Variants in RCL1 observed in about 807,000 individuals in gnomAD.
The protein encoded by RCL1 is RNA terminal phosphate cyclase like 1.
RCL1 carries 24 observed loss-of-function variants against 42.4 expected under a neutral mutation model. The ratio of observed to expected loss-of-function variants is 0.57; its 90% CI spans 0.41 to 0.80. The LOEUF is 0.80. Among genes scored for constraint, RCL1 ranks in the 30% least tolerant of loss-of-function variants. The pLI, the probability that RCL1 is intolerant of heterozygous loss-of-function variation, is 0.00. For synonymous variants in RCL1, 228 were observed against 177.3 expected (o/e 1.29, Z -2.27); for missense variants, 578 against 467.9 (o/e 1.24, Z -2.17).
intron 1 of RCL1, among the ~76,000 whole-genome samples, chr9:4,797,964 A>C (rs1321120773): frequency 6.8e-6 from 1 of 148,112 alleles, no homozygotes; most frequent in African/African-American, 2.7e-5. Flanking sequence ...TGAACAATTA[A>C]GTTTATCTCA....
At chr9:4,824,289 A>G (rs1816686986) in intron 2 of RCL1, among the ~76,000 whole-genome samples, 1 of 151,810 alleles carries the variant, frequency 6.6e-6, no homozygotes, top group Non-Finnish European at 1.5e-5. Context: ...AGGGGTAGCC[A>G]CTGTCACAGC....
At chr9:4,848,984 G>C (rs572906092) in intron 7 of RCL1, among the ~76,000 whole-genome samples, 1 of 152,118 alleles carries the variant, frequency 6.6e-6, no homozygotes. Flanking sequence ...GCCATGAAAA[G>C]GCCGTTTCAT....
At chr9:4,823,955 G>C (rs114722617) in intron 2 of RCL1, among the ~76,000 whole-genome samples, 1 of 152,076 alleles carries the variant, frequency 6.6e-6, no homozygotes, top group Non-Finnish European at 1.5e-5. Flanking sequence ...TTACCTCTCT[G>C]TGATATGATT....
chr9:4,829,703 T>C (rs368061176), intron 3 of RCL1, among the ~76,000 whole-genome samples: 1 of 152,250 alleles, frequency 6.6e-6, no homozygotes, highest in Non-Finnish European at 1.5e-5. Context: ...AGTGTGGCAG[T>C]GGTGGCGGTG....
chr9:4,796,701 G>T (rs1177928132), intron 1 of RCL1, among the ~76,000 whole-genome samples: 1 of 152,108 alleles, frequency 6.6e-6, no homozygotes, highest in South Asian at 2.1e-4. Context: ...TGCCCAGCCT[G>T]ATTTCATTCT....
intron 1 of RCL1, among the ~76,000 whole-genome samples, chr9:4,806,042 GTGTT>G (rs1211068294): frequency 2.0e-5 from 2 of 99,412 alleles, no homozygotes; most frequent in African/African-American, 3.2e-5. Context: ...GTGTGTGTGT[GTGTT>G]TGTGTGTGTG....
At chr9:4,858,253 C>G (rs12001344) in intron 8 of RCL1, among the ~76,000 whole-genome samples, 11,215 of 152,066 alleles carry the variant, frequency 0.074, 1,211 homozygotes, top group African/African-American at 0.24. Context: ...AGATGCCTGA[C>G]CTTTATCAGA....
At chr9:4,837,335 G>T (rs1817173344) in intron 5 of RCL1, among the ~76,000 whole-genome samples, 8 of 151,920 alleles carry the variant, frequency 5.3e-5, no homozygotes, top group Admixed American at 5.2e-4. Flanking sequence ...CAACATTTTT[G>T]GCAATGGTGA....
intron 8 of RCL1, among the ~76,000 whole-genome samples, chr9:4,854,278 A>G (rs1353426111): frequency 1.3e-5 from 2 of 152,106 alleles, no homozygotes; most frequent in Admixed American, 6.5e-5. Context: ...TAGTAATTTC[A>G]TTTGGAGCAG....
At chr9:4,810,212 T>C (rs1363461015) in intron 1 of RCL1, among the ~76,000 whole-genome samples, 1 of 152,210 alleles carries the variant, frequency 6.6e-6, no homozygotes, top group Non-Finnish European at 1.5e-5. Context: ...GTACCATATA[T>C]TAAGAAAAGT....
Position 4,860,107 on chromosome 9 carries a change from TA to T in RCL1, c.972-17del, listed in dbSNP as rs779634832. ...ATGAATTTCTTTTTATTTATTTATT[TA>T]TTTTTTTCCTTTTTAGGATAGAATT... On this transcript the variant is annotated splice_polypyrimidine_tract_variant and intron_variant, in intron 8 of 8. Coordinates refer to ENST00000381750, the MANE Select transcript of RCL1 (RefSeq NM_005772.5). 47 of 1,490,580 alleles carry T rather than the reference TA, an allele frequency of 3.2e-5. No individual in the cohort carries two copies. Among genetic ancestry groups the T allele is most frequent in the Admixed American group, 6.7e-5 (3 of 44,904 alleles). The allele number at this position is 1,490,580 out of a possible 1,614,324, so 92.3% of individuals were successfully genotyped here. A position where few individuals can be genotyped will look rare whatever the true frequency, so the allele number is the denominator to read the frequency against.
chr9:4,832,019 G>A (rs986293700), intron 3 of RCL1, among the ~76,000 whole-genome samples: 16 of 152,230 alleles, frequency 1.1e-4, no homozygotes, highest in African/African-American at 3.9e-4. Flanking sequence ...CCTGCCAGCT[G>A]ACAGATCCAA....
At chr9:4,797,445 T>A (rs555398821) in intron 1 of RCL1, among the ~76,000 whole-genome samples, 1 of 152,344 alleles carries the variant, frequency 6.6e-6, no homozygotes, top group African/African-American at 2.4e-5. Context: ...CTATGTTATA[T>A]GTAAAGCACA....
intron 3 of RCL1, among the ~76,000 whole-genome samples, chr9:4,831,444 C>T (rs971265626): frequency 5.3e-5 from 8 of 152,020 alleles, no homozygotes; most frequent in Non-Finnish European, 1.0e-4. Context: ...TATCTGGCAA[C>T]GCCAAATGCA....
intron 1 of RCL1, chr9:4,803,849 T>C: frequency 6.2e-6 from 1 of 161,846 alleles, no homozygotes; most frequent in South Asian, 1.7e-4. Flanking sequence ...GTTGTACTTC[T>C]GGCATTGGAA....
intron 1 of RCL1, among the ~76,000 whole-genome samples, chr9:4,809,861 G>C (rs997109711): frequency 9.9e-5 from 15 of 152,046 alleles, no homozygotes; most frequent in Admixed American, 2.6e-4. Flanking sequence ...CTGTCACCCA[G>C]GCTGGAATGC....
intron 1 of RCL1, among the ~76,000 whole-genome samples, chr9:4,815,016 CCTTTT>C (rs904062573): frequency 3.3e-5 from 5 of 152,074 alleles, no homozygotes; most frequent in African/African-American, 9.6e-5. Flanking sequence ...TAACTTGATG[CCTTTT>C]TCTCTTGCTG....
At chr9:4,850,683 GC>G (rs1165399358) in intron 8 of RCL1, among the ~76,000 whole-genome samples, 1 of 152,026 alleles carries the variant, frequency 6.6e-6, no homozygotes, top group African/African-American at 2.4e-5. Context: ...ATCCTAAATG[GC>G]GTGGTAACAT....
chr9:4,854,720 C>T (rs1360046624), intron 8 of RCL1, among the ~76,000 whole-genome samples: 1 of 152,168 alleles, frequency 6.6e-6, no homozygotes, highest in Non-Finnish European at 1.5e-5. Flanking sequence ...CATGGCCTTT[C>T]CTGTTGACCA....
Sources: gnomAD v4.1 joint callset for allele counts (sites outside exome capture counted in the v4.1 genomes callset) on GRCh38, gnomAD v4.1.1 for gene constraint, MANE v1.5 for transcripts, NCBI Gene and HGNC (gene_info 2026-07-23, HGNC 2026-07-21) for gene names.